The following SLMAP variants were observed in gnomAD, a reference collection of about 807,000 sequenced individuals.
The protein encoded by SLMAP is sarcolemmal membrane-associated protein.
A neutral mutation model predicts 128.8 loss-of-function variants in SLMAP; 44 were observed. The ratio of observed to expected loss-of-function variants is 0.34; its 90% CI spans 0.27 to 0.44. SLMAP has a LOEUF of 0.44. SLMAP is among the 20% of genes least tolerant of loss of function. The pLI is 1.00. For synonymous variants in SLMAP, 327 were observed against 348.8 expected, an observed-to-expected ratio of 0.94 and a Z score of 0.70; for missense variants, 787 against 985.3, an observed-to-expected ratio of 0.80 and a Z score of 2.69.
At chr3:57,923,228 C>T (rs1454568854) in intron 23 of SLMAP, among the ~76,000 whole-genome samples, 1 of 152,180 alleles carries the variant, frequency 6.6e-6, no homozygotes, top group African/African-American at 2.4e-5. Context: ...CTAGAAGAGC[C>T]TCAGGACTGC....
intron 2 of SLMAP, among the ~76,000 whole-genome samples, chr3:57,770,164 A>G (rs532068985): frequency 3.3e-5 from 5 of 152,242 alleles, no homozygotes; most frequent in Non-Finnish European, 5.9e-5. Context: ...TCATTCTTGC[A>G]GTGCGGTGTG....
chr3:57,786,267 G>C (rs949297457), intron 2 of SLMAP, among the ~76,000 whole-genome samples: 4 of 152,072 alleles, frequency 2.6e-5, no homozygotes, highest in African/African-American at 9.7e-5. Context: ...CTCCTTTCAG[G>C]GGTTCAGGCT....
chr3:57,867,430 G>A (rs2095336783), intron 13 of SLMAP, among the ~76,000 whole-genome samples: 1 of 152,044 alleles, frequency 6.6e-6, no homozygotes, highest in South Asian at 2.1e-4. Flanking sequence ...AATTGTTAAA[G>A]ACTCCTTGAT....
chr3:57,925,534 G>T (rs968496797), intron 23 of SLMAP, among the ~76,000 whole-genome samples: 2 of 148,836 alleles, frequency 1.3e-5, no homozygotes, highest in Admixed American at 6.7e-5. Flanking sequence ...CACCATGTTG[G>T]CCAGGCTGGT....
chr3:57,774,175 A>G (rs1434050913), intron 2 of SLMAP, among the ~76,000 whole-genome samples: 1 of 152,246 alleles, frequency 6.6e-6, no homozygotes, highest in African/African-American at 2.4e-5. Flanking sequence ...AGGTTTATTT[A>G]TAATTGCCAG....
chr3:57,779,243 C>T (rs1055139177), intron 2 of SLMAP, among the ~76,000 whole-genome samples: 1 of 152,112 alleles, frequency 6.6e-6, no homozygotes, highest in African/African-American at 2.4e-5. Context: ...CGCAGTGGCT[C>T]ACACTTGTAT....
At chr3:57,868,062 A>G (rs1052556609) in intron 13 of SLMAP, among the ~76,000 whole-genome samples, 27 of 152,058 alleles carry the variant, frequency 1.8e-4, no homozygotes, top group Admixed American at 3.9e-4. Context: ...GGAGTTCAAG[A>G]CCAGCCCGAG....
At chr3:57,809,013 C>T (rs1301971149) in intron 2 of SLMAP, among the ~76,000 whole-genome samples, 1 of 152,118 alleles carries the variant, frequency 6.6e-6, no homozygotes, top group African/African-American at 2.4e-5. Flanking sequence ...TACGTAATGC[C>T]CTTCTTTGTC....
intron 19 of SLMAP, among the ~76,000 whole-genome samples, 167 bp downstream of exon 19, chr3:57,909,317 C>A (rs551453019): frequency 3.0e-4 from 46 of 152,070 alleles, no homozygotes; most frequent in African/African-American, 1.0e-3. Flanking sequence ...GTGTGGCCAA[C>A]ATGGTGAACC....
At chr3:57,801,746 G>A (rs1339432149) in intron 2 of SLMAP, among the ~76,000 whole-genome samples, 2 of 151,288 alleles carry the variant, frequency 1.3e-5, no homozygotes, top group Admixed American at 6.6e-5. Flanking sequence ...ATTCTCAGAA[G>A]TAGATCAAAG....
chr3:57,766,441 T>C (rs1355335412), intron 2 of SLMAP, among the ~76,000 whole-genome samples: 1 of 152,136 alleles, frequency 6.6e-6, no homozygotes, highest in Admixed American at 6.5e-5. Flanking sequence ...TCTTAATATA[T>C]GTCAGTTACT....
At chr3:57,919,592 C>G (rs1001468182) in intron 22 of SLMAP, among the ~76,000 whole-genome samples, 2 of 151,796 alleles carry the variant, frequency 1.3e-5, no homozygotes, top group South Asian at 2.1e-4. Flanking sequence ...GTCGGCAGTT[C>G]GAGACCAGCC....
Position 57,786,926 on chromosome 3 carries a change from T to C in SLMAP, c.198+29077T>C, listed in dbSNP as rs146621443. ...TTTTTTGTATTTTTTTAAGTAGAGATGGGGTTTCACCATGTTAGCCAGGAT... is the reference window on the plus strand; with the variant it reads ...TTTTTTGTATTTTTTTAAGTAGAGACGGGGTTTCACCATGTTAGCCAGGAT... On this transcript the variant is annotated intron_variant, in intron 2 of 24. Coordinates refer to ENST00000671191, the MANE Select transcript of SLMAP (RefSeq NM_001377540.1). 1.7e-3 allele frequency among the ~76,000 whole-genome samples: 251 copies of C among 151,998 alleles called. 1 individual carries two copies. The highest frequency in any genetic ancestry group is 0.014 in the Middle Eastern group (4 of 294).
chr3:57,912,467 A>G lies in SLMAP; in HGVS notation c.1786A>G (p.Ser596Gly). The G allele has an allele frequency of 6.2e-7, 1 of 1,614,208 alleles. No individual in the cohort carries two copies. The highest frequency in any genetic ancestry group is 8.5e-7 in the Non-Finnish European group (1 of 1,180,008). Residue 596 changes from serine (S) to glycine (G), a missense_variant, in exon 20 of 25, where the codon AGT becomes GGT. Ser to Gly is a moderately conservative substitution (Grantham distance 56). Coordinates refer to ENST00000671191, the MANE Select transcript of SLMAP (RefSeq NM_001377540.1). ...EITSTRDELL[S>G]ARDEILLLHQ... ...CACAAGTACTAGAGATGAATTGCTTAGTGCCCGAGATGAAATTTTGCTCCT... is the reference window on the plus strand; with the variant it reads ...CACAAGTACTAGAGATGAATTGCTTGGTGCCCGAGATGAAATTTTGCTCCT...
intron 22 of SLMAP, chr3:57,917,400 T>C (rs898434957): frequency 5.2e-6 from 2 of 383,346 alleles, no homozygotes; most frequent in Admixed American, 8.7e-5. Flanking sequence ...CGTATGTAAC[T>C]TAGCATACTT....
At position 57,856,304 on chromosome 3, in the gene SLMAP, C is replaced by A. The variant is rs552868962; in HGVS notation, c.520-1429C>A. On this transcript the variant is annotated intron_variant, in intron 6 of 24. Transcript: ENST00000671191. The stretch of plus-strand genomic sequence containing the variant: ...GTAACTTTTTTACTTTATAAACTTA[C>A]AAGTTTTAAAACCTTTTTGACTCTT... 5.9e-5 allele frequency among the ~76,000 whole-genome samples: 9 copies of A among 152,294 alleles called. No homozygotes were observed. In the East Asian group the frequency reaches 1.7e-3, roughly 29 times the overall value.
chr3:57,898,697 G>A (rs1233784980), intron 17 of SLMAP: 1 of 152,148 alleles, frequency 6.6e-6, no homozygotes, highest in East Asian at 1.9e-4. Context: ...GATATTTGAT[G>A]AATTAATTGA....
chr3:57,864,818 C>G lies in SLMAP; in HGVS notation c.1147C>G (p.His383Asp). The G allele has an allele frequency of 6.3e-7, 1 of 1,589,520 alleles. No homozygotes were observed. The highest frequency in any genetic ancestry group is 1.8e-5 in the Admixed American group (1 of 57,062). The change falls in exon 12 of 25, where the codon CAT becomes GAT. Residue 383 changes from histidine (H) to aspartate (D), a missense_variant. By Grantham distance (81) the His-to-Asp change is moderately conservative. Transcript: ENST00000671191. ...RLTALQVRLEHLQEKTLKECS... is the reference protein window; with the variant it reads ...RLTALQVRLEDLQEKTLKECS... ...ACTTTTATTTACAGTACGGTTAGAA[C>G]ATCTTCAGGAGAAAACTCTTAAAGA...
intron 6 of SLMAP, among the ~76,000 whole-genome samples, chr3:57,850,461 C>T (rs1406719628): frequency 6.6e-6 from 1 of 152,028 alleles, no homozygotes; most frequent in African/African-American, 2.4e-5. Context: ...CTCTGTCTCT[C>T]AGGCTGAAGT....
Sources: allele counts gnomAD v4.1 joint callset (sites outside exome capture counted in the v4.1 genomes callset), GRCh38; gene constraint gnomAD v4.1.1; transcripts MANE v1.5; gene names NCBI Gene and HGNC (gene_info 2026-07-23, HGNC 2026-07-21).